The following MTUS2 variants were observed in gnomAD, a reference collection of about 807,000 sequenced individuals.
The protein encoded by MTUS2 is microtubule-associated tumor suppressor candidate 2.
MTUS2 carries 40 observed loss-of-function variants against 114.1 expected under a neutral mutation model. The observed-to-expected ratio is 0.35, with a 90% CI of 0.27 to 0.46. The LOEUF is 0.46. MTUS2 is among the 20% of genes least tolerant of loss of function. The probability of loss-of-function intolerance (pLI) is 1.00; values close to 1 mark genes in which losing one functional copy is unlikely to be tolerated. For synonymous variants in MTUS2, 688 were observed against 672.0 expected, an observed-to-expected ratio of 1.02 and a Z score of -0.37; for missense variants, 1,679 against 1,705.4, an observed-to-expected ratio of 0.98 and a Z score of 0.27.
At chr13:29,330,861 G>C (rs1261139548) in intron 7 of MTUS2, among the ~76,000 whole-genome samples, 2 of 152,282 alleles carry the variant, frequency 1.3e-5, no homozygotes, top group African/African-American at 4.8e-5. Context: ...TTTGAAGTCA[G>C]GTAGCGTGAT....
At chr13:29,225,227 T>C (rs931961693) in intron 5 of MTUS2, among the ~76,000 whole-genome samples, 2 of 152,256 alleles carry the variant, frequency 1.3e-5, no homozygotes, top group African/African-American at 4.8e-5. Context: ...CTTCCAATTC[T>C]GATTCTCAAC....
At chr13:29,313,776 G>A (rs1164241142) in intron 6 of MTUS2, among the ~76,000 whole-genome samples, 1 of 152,082 alleles carries the variant, frequency 6.6e-6, no homozygotes, top group Non-Finnish European at 1.5e-5. Context: ...ATTTTACAAC[G>A]CTGGGGAAAA....
intron 2 of MTUS2, among the ~76,000 whole-genome samples, chr13:28,933,048 G>T (rs1169889506): frequency 6.6e-6 from 1 of 151,368 alleles, no homozygotes; most frequent in Non-Finnish European, 1.5e-5. Flanking sequence ...CTGGAAATTT[G>T]TTATTGTTCT....
intron 6 of MTUS2, among the ~76,000 whole-genome samples, chr13:29,298,802 T>C (rs1179448257): frequency 6.6e-6 from 1 of 152,212 alleles, no homozygotes; most frequent in Non-Finnish European, 1.5e-5. Flanking sequence ...AATGAAAGAA[T>C]CATGGTGCCT....
intron 8 of MTUS2, among the ~76,000 whole-genome samples, chr13:29,419,575 A>G (rs1289557309): frequency 6.6e-6 from 1 of 152,210 alleles, no homozygotes; most frequent in African/African-American, 2.4e-5. Context: ...TCTCCATCCC[A>G]GTTCACGGGC....
chr13:29,367,866 C>T (rs1870853711), intron 8 of MTUS2, among the ~76,000 whole-genome samples: 1 of 152,026 alleles, frequency 6.6e-6, no homozygotes, highest in Non-Finnish European at 1.5e-5. Context: ...CATCAATGAG[C>T]CCTCAAGTCC....
At chr13:29,191,714 A>G (rs1453201350) in intron 5 of MTUS2, among the ~76,000 whole-genome samples, 2 of 152,158 alleles carry the variant, frequency 1.3e-5, no homozygotes, top group Non-Finnish European at 2.9e-5. Flanking sequence ...TCCCTGGCTC[A>G]TGACAGCCTT....
intron 2 of MTUS2, among the ~76,000 whole-genome samples, chr13:28,878,912 T>G (rs142162836): frequency 1.2e-3 from 178 of 152,342 alleles, no homozygotes; most frequent in African/African-American, 4.1e-3. Flanking sequence ...CCACACTGTC[T>G]TCTGCAATGG....
rs534313053 is a variant in MTUS2 at position 29,416,252 on chromosome 13, A to G, written c.3118-23731A>G. Among the ~76,000 whole-genome samples, 3 of 150,080 alleles carry G rather than the reference A, an allele frequency of 2.0e-5. No individual in the cohort carries two copies. The East Asian group carries it at 5.9e-4, about 29-fold the overall frequency. ...CCACCAGTTTTTAATTGTATCTTCA[A>G]CTCCCACCTGTTGCCTCTACAACAA... is the stretch of plus-strand genomic sequence containing the variant. On this transcript the variant is annotated intron_variant, in intron 8 of 15. Transcript: ENST00000612955.
At chr13:29,117,734 CACATCAGACAGCTGCAGCCGTCA>C (rs1206190655) in intron 5 of MTUS2, among the ~76,000 whole-genome samples, 1 of 152,166 alleles carries the variant, frequency 6.6e-6, no homozygotes, top group African/African-American at 2.4e-5. Flanking sequence ...AAGGAGTTGA[CACATCAGACAGCTGCAGCCGTCA>C]ACTGCCAACA....
chr13:29,316,069 G>A (rs1566125672), intron 6 of MTUS2, among the ~76,000 whole-genome samples: 1 of 152,160 alleles, frequency 6.6e-6, no homozygotes, highest in Admixed American at 6.5e-5. Context: ...GGGTAAAGGG[G>A]AAGACTGCAC....
intron 8 of MTUS2, among the ~76,000 whole-genome samples, chr13:29,428,415 C>T (rs1461319260): frequency 1.3e-5 from 2 of 152,264 alleles, no homozygotes; most frequent in African/African-American, 4.8e-5. Context: ...CTGCGCGGTG[C>T]GGAGGCGCAT....
At chr13:28,947,392 G>T (rs1882587206) in intron 2 of MTUS2, among the ~76,000 whole-genome samples, 1 of 152,132 alleles carries the variant, frequency 6.6e-6, no homozygotes. Flanking sequence ...AAAGAATAAT[G>T]CTTGAGAAAG....
chr13:29,167,192 G>C (rs1188233512), intron 5 of MTUS2, among the ~76,000 whole-genome samples: 1 of 152,090 alleles, frequency 6.6e-6, no homozygotes. Context: ...GGCTAACACC[G>C]TGAAACCTTG....
At chr13:29,190,234 C>G (rs1172760035) in intron 5 of MTUS2, among the ~76,000 whole-genome samples, 1 of 152,186 alleles carries the variant, frequency 6.6e-6, no homozygotes, top group Non-Finnish European at 1.5e-5. Context: ...ATAGCTAATA[C>G]CTAACACTGG....
chr13:28,992,146 T>A (rs1327261472), intron 2 of MTUS2, among the ~76,000 whole-genome samples: 1 of 152,172 alleles, frequency 6.6e-6, no homozygotes, highest in Non-Finnish European at 1.5e-5. Flanking sequence ...CTGAAACTTT[T>A]TTTCCCCTCC....
At chr13:29,102,514 C>T (rs1161775644) in intron 5 of MTUS2, among the ~76,000 whole-genome samples, 1 of 152,136 alleles carries the variant, frequency 6.6e-6, no homozygotes, top group African/African-American at 2.4e-5. Flanking sequence ...TAGAGAGGGA[C>T]CCCTGAGCAC....
At chr13:28,828,242 C>T (rs1213157138) in intron 1 of MTUS2, among the ~76,000 whole-genome samples, 1 of 152,198 alleles carries the variant, frequency 6.6e-6, no homozygotes, top group Non-Finnish European at 1.5e-5. Context: ...GCCAAGCCCA[C>T]AGGCAGCCAG....
chr13:28,926,813 T>C (rs565898497), intron 2 of MTUS2, among the ~76,000 whole-genome samples: 25 of 152,202 alleles, frequency 1.6e-4, no homozygotes, highest in Non-Finnish European at 1.6e-4. Context: ...TACAATTTGC[T>C]ATGTAGTATG....
Sources: gnomAD v4.1 joint callset for allele counts (sites outside exome capture counted in the v4.1 genomes callset) on GRCh38, gnomAD v4.1.1 for gene constraint, MANE v1.5 for transcripts, NCBI Gene and HGNC (gene_info 2026-07-23, HGNC 2026-07-21) for gene names.